Variants in FBXO17 observed in about 807,000 individuals in gnomAD.
FBXO17 encodes F-box only protein 17.
A neutral mutation model predicts 34.1 loss-of-function variants in FBXO17; 43 were observed. The ratio of observed to expected loss-of-function variants is 1.26; its 90% CI spans 0.99 to 1.62. FBXO17 has a LOEUF of 1.62. FBXO17 is among the 40% of genes most tolerant of loss of function. FBXO17 has a pLI of 0.00. For missense variants in FBXO17, 424 were observed against 386.7 expected (o/e 1.10, Z -0.81); for synonymous variants, 169 against 166.0 (o/e 1.02, Z -0.14).
intron 1 of FBXO17, among the ~76,000 whole-genome samples, chr19:38,956,559 G>A (rs942884034): frequency 6.6e-6 from 1 of 152,056 alleles, no homozygotes; most frequent in Non-Finnish European, 1.5e-5. Context: ...GCCAATAAAT[G>A]CCACTAAATG....
At chr19:38,950,982 G>A (rs1975075251) in intron 1 of FBXO17, among the ~76,000 whole-genome samples, 1 of 151,704 alleles carries the variant, frequency 6.6e-6, no homozygotes, top group Admixed American at 6.6e-5. Flanking sequence ...AGTAGAGACG[G>A]GGTTTCACCA....
chr19:38,941,722 A>G lies in FBXO17; in HGVS notation c.*886T>C, dbSNP rs1312500081. The G allele has an allele frequency of 1.3e-5, 2 of 152,070 alleles. No individual in the cohort carries two copies. Among genetic ancestry groups the G allele is most frequent in the East Asian group, 1.9e-4 (1 of 5,152 alleles). The allele number at this position is 152,070 out of a possible 1,614,324, so 9.4% of individuals were successfully genotyped here. A position where few individuals can be genotyped will look rare whatever the true frequency, so the allele number is the denominator to read the frequency against. On this transcript the variant is annotated 3_prime_UTR_variant, in exon 6 of 6. Coordinates refer to ENST00000292852, the MANE Select transcript of FBXO17 (RefSeq NM_024907.7). ...TCGCCCTCGTTCCAGTAAACCCACA[A>G]CCTTCAGGGTGGGGGTCATGGCCAT...
chr19:38,964,787 A>G (rs1274589272), intron 1 of FBXO17, among the ~76,000 whole-genome samples: 1 of 151,952 alleles, frequency 6.6e-6, no homozygotes, highest in African/African-American at 2.4e-5. Flanking sequence ...AGAAAAGAAA[A>G]AAAAATTGCA....
At chr19:38,946,917 G>T (rs1050610540) in intron 3 of FBXO17, 22 of 266,140 alleles carry the variant, frequency 8.3e-5, no homozygotes, top group African/African-American at 4.2e-4. Flanking sequence ...TCTAAAGCTG[G>T]ACAGCCTTGT....
chr19:38,946,435 G>A, intron 4 of FBXO17, 37 bp downstream of exon 4: 2 of 1,612,984 alleles, frequency 1.2e-6, no homozygotes, highest in Non-Finnish European at 1.7e-6. Flanking sequence ...TGCCAAGCCT[G>A]CTGCTGCTCT....
intron 1 of FBXO17, among the ~76,000 whole-genome samples, chr19:38,960,278 T>G (rs1350069756): frequency 8.7e-6 from 1 of 115,320 alleles, no homozygotes; most frequent in South Asian, 3.4e-4. Context: ...ATATTTATAA[T>G]AAGCCATTAT....
chr19:38,973,990 T>TTTGA (rs56054550), intron 1 of FBXO17, among the ~76,000 whole-genome samples: 64,853 of 146,632 alleles, frequency 0.44, 14,534 homozygotes, highest in South Asian at 0.59. Flanking sequence ...TTTGATTTGA[T>TTTGA]TTGAGACAGG....
chr19:38,960,383 T>C (rs112103202), intron 1 of FBXO17, among the ~76,000 whole-genome samples: 15 of 152,158 alleles, frequency 9.9e-5, no homozygotes, highest in African/African-American at 3.6e-4. Context: ...TGGATGGGGC[T>C]GGGTCATCTG....
rs763426658 is a variant in FBXO17 at position 38,950,030 on chromosome 19, G to A, written c.290C>T (p.Ala97Val). ...GAAGGGCGCGCGCAGACAGTAGCGC[G>A]CCAGGGCGCACAGCGGGAACTCCTC... ...DKEEFPLCALARYCLRAPFGR... is the reference protein window; with the variant it reads ...DKEEFPLCALVRYCLRAPFGR... Residue 97 changes from alanine (A) to valine (V), a missense_variant, in exon 2 of 6, where the codon GCG (alanine) becomes GTG (valine). Ala to Val is a moderately conservative substitution (Grantham distance 64, BLOSUM62 0). Transcript: ENST00000292852. The A allele has an allele frequency of 8.3e-6, 13 of 1,564,542 alleles. No homozygotes were observed. In the East Asian group the frequency reaches 2.9e-4, roughly 35 times the overall value.
chr19:38,958,078 C>T (rs1465401678), intron 1 of FBXO17, among the ~76,000 whole-genome samples: 2 of 149,638 alleles, frequency 1.3e-5, no homozygotes, highest in Non-Finnish European at 3.0e-5. Context: ...TGTATTCCAG[C>T]CCAGGCAATA....
At chr19:38,961,662 T>C (rs1975251948) in intron 1 of FBXO17, among the ~76,000 whole-genome samples, 1 of 151,788 alleles carries the variant, frequency 6.6e-6, no homozygotes, top group African/African-American at 2.4e-5. Flanking sequence ...CTATTCTGTT[T>C]TGTTTTGTTT....
At position 38,942,486 on chromosome 19, in the gene FBXO17, T is replaced by A. The variant is rs1974903320; in HGVS notation, c.*122A>T. 9.2e-7 allele frequency: 1 copy of A among 1,084,686 alleles called. No homozygotes were observed. The highest frequency in any genetic ancestry group is 1.7e-5 in the African/African-American group (1 of 58,622). The allele number at this position is 1,084,686 out of a possible 1,614,324, so 67.2% of individuals were successfully genotyped here. On this transcript the variant is annotated 3_prime_UTR_variant, in exon 6 of 6. Transcript: ENST00000292852. ...TATGTTGCCCAGGCTGGTCTTGAAC[T>A]CCCGAGCTCCAGTGATCCTCCCACC...
At chr19:38,948,745 A>G in intron 2 of FBXO17, 67 bp from the exon 3 acceptor site, 10 of 1,413,628 alleles carry the variant, frequency 7.1e-6, no homozygotes, top group Non-Finnish European at 9.9e-6. Context: ...CCCCGCAACC[A>G]GCCAGCTTGT....
At position 38,948,647 on chromosome 19, in the gene FBXO17, G is replaced by A. The variant is rs200884375; in HGVS notation, c.381C>T (p.Gly127=). 226 of 1,613,886 alleles carry A rather than the reference G, an allele frequency of 1.4e-4. No homozygotes were observed. Among genetic ancestry groups the A allele is most frequent in the Non-Finnish European group, 1.8e-4 (211 of 1,179,960 alleles). Residue 127 remains glycine (G), a synonymous_variant, in exon 3 of 6, where the codon GGC becomes GGT. Transcript: ENST00000292852. The part of the protein sequence containing the change: ...QGFRGWEVEH[G]GNGWAIEKNL... ...TCTTTTCTATGGCCCAGCCGTTCCC[G>A]CCATGCTCCACCTCCCAGCCTCTGA... is the stretch of plus-strand genomic sequence containing the variant.
chr19:38,953,017 C>T (rs1975109717), intron 1 of FBXO17, among the ~76,000 whole-genome samples: 1 of 152,144 alleles, frequency 6.6e-6, no homozygotes, highest in Non-Finnish European at 1.5e-5. Flanking sequence ...TAAAAACATT[C>T]TTGACCTGGC....
intron 1 of FBXO17, among the ~76,000 whole-genome samples, chr19:38,950,928 A>C (rs1355393104): frequency 2.0e-5 from 3 of 152,080 alleles, no homozygotes; most frequent in African/African-American, 7.2e-5. Context: ...AGTAGCTGGA[A>C]CTACAGGCGC....
At chr19:38,960,847 C>T (rs1363258304) in intron 1 of FBXO17, among the ~76,000 whole-genome samples, 3 of 150,970 alleles carry the variant, frequency 2.0e-5, no homozygotes, top group Non-Finnish European at 4.4e-5. Flanking sequence ...TGCTCTGTCG[C>T]CCAGGCTGGA....
chr19:38,960,550 C>T (rs1466016095), intron 1 of FBXO17, among the ~76,000 whole-genome samples: 1 of 152,124 alleles, frequency 6.6e-6, no homozygotes, highest in Non-Finnish European at 1.5e-5. Context: ...GCTCTGTCCC[C>T]CAGGCTAGAG....
Position 38,956,257 on chromosome 19 carries a change from C to T in FBXO17, c.-17-5921G>A, listed in dbSNP as rs1975166038. 2.1e-5 allele frequency among the ~76,000 whole-genome samples: 3 copies of T among 140,844 alleles called. No homozygotes were observed. In the South Asian group the frequency reaches 7.6e-4, roughly 36 times the overall value. The allele number at this position is 140,844 out of a possible 152,430, so 92.4% of individuals were successfully genotyped here. ...CTCCAGCCTGGGCGATAGACTGAGA[C>T]TCTGTCTCAAAAAAAAAAAAAAAAG... On this transcript the variant is annotated intron_variant, in intron 1 of 5. Transcript: ENST00000292852.
Sources: allele counts gnomAD v4.1 joint callset (sites outside exome capture counted in the v4.1 genomes callset), GRCh38; gene constraint gnomAD v4.1.1; transcripts MANE v1.5; gene names NCBI Gene and HGNC (gene_info 2026-07-23, HGNC 2026-07-21).